Variants in DIP2C observed in about 807,000 individuals in gnomAD.
The protein encoded by DIP2C is DIP2 acetate--CoA ligase C (putative).
DIP2C carries 33 observed loss-of-function variants against 192.4 expected under a neutral mutation model. That is an observed-to-expected ratio of 0.17 (90% confidence interval 0.13 to 0.23). The LOEUF is 0.23. Ranked by LOEUF, DIP2C falls within the 10% of genes least tolerant of loss-of-function variation. The pLI, the probability that DIP2C is intolerant of heterozygous loss-of-function variation, is 1.00. For synonymous variants in DIP2C, 979 were observed against 864.1 expected (o/e 1.13, Z -2.33); for missense variants, 1,537 against 2,110.1 (o/e 0.73, Z 5.32).
chr10:444,733 A>G (rs1365608532), intron 3 of DIP2C, among the ~76,000 whole-genome samples: 1 of 152,240 alleles, frequency 6.6e-6, no homozygotes, highest in Non-Finnish European at 1.5e-5. Flanking sequence ...CCTGGAACTC[A>G]TCGCCGTTGC....
At chr10:323,448 T>A (rs1435885926) in intron 31 of DIP2C, among the ~76,000 whole-genome samples, 1 of 51,936 alleles carries the variant, frequency 1.9e-5, no homozygotes, top group Non-Finnish European at 6.4e-5. Context: ...GGTGCGGGGC[T>A]CCAGCGAGAG....
intron 29 of DIP2C, among the ~76,000 whole-genome samples, chr10:335,472 C>T (rs1019350776): frequency 6.6e-6 from 1 of 152,256 alleles, no homozygotes; most frequent in Non-Finnish European, 1.5e-5. Context: ...ACCCAGTTTG[C>T]ACAGGCACAC....
chr10:480,072 G>C (rs1379862860), intron 2 of DIP2C, among the ~76,000 whole-genome samples: 1 of 138,420 alleles, frequency 7.2e-6, no homozygotes, highest in African/African-American at 2.8e-5. Flanking sequence ...CTGGATGAGT[G>C]TCATCCGCCA....
chr10:486,027 C>T (rs1843989284), intron 2 of DIP2C, among the ~76,000 whole-genome samples: 1 of 152,244 alleles, frequency 6.6e-6, no homozygotes, highest in Non-Finnish European at 1.5e-5. Flanking sequence ...TCTCAACACA[C>T]AACCAGCTTT....
At chr10:510,530 C>T (rs1209726431) in intron 1 of DIP2C, among the ~76,000 whole-genome samples, 1 of 152,248 alleles carries the variant, frequency 6.6e-6, no homozygotes, top group Non-Finnish European at 1.5e-5. Context: ...GCTTTACAGC[C>T]GTGCCAGGCA....
rs576696116 is a variant in DIP2C at position 441,907 on chromosome 10, C to T, written c.269-911G>A. ...TAAGGCAGACAGTGTCACAGCATCT[C>T]ACGCAGGCCAATTCCTAATGGACAA... On this transcript the variant is annotated intron_variant, in intron 3 of 36. Transcript: ENST00000280886. Among the ~76,000 whole-genome samples, 3 of 150,462 alleles carry T rather than the reference C, an allele frequency of 2.0e-5. No individual in the cohort carries two copies. The South Asian group carries it at 6.3e-4, about 32-fold the overall frequency.
In DIP2C at chr10:582,153, C is replaced by G. The variant is rs190880639; in HGVS notation, c.86-95623G>C. On this transcript the variant is annotated intron_variant, in intron 1 of 36. Transcript: ENST00000280886. ...ATGCTCACTCACCGGCCACCCACCC[C>G]CTGCTACAAAAACCCGGTTCCTAAC... Among the ~76,000 whole-genome samples, 314 of 152,310 alleles carry G rather than the reference C, an allele frequency of 2.1e-3. 9 individuals carry two copies. Among genetic ancestry groups the G allele is most frequent in the Non-Finnish European group, 3.8e-4 (26 of 68,018 alleles).
intron 31 of DIP2C, among the ~76,000 whole-genome samples, chr10:320,605 G>C (rs145882458): frequency 7.9e-5 from 12 of 152,184 alleles, no homozygotes; most frequent in African/African-American, 2.9e-4. Context: ...GGACACTCAG[G>C]GAGGGAGATT....
chr10:512,515 T>A (rs1846081154), intron 1 of DIP2C, among the ~76,000 whole-genome samples: 1 of 151,860 alleles, frequency 6.6e-6, no homozygotes, highest in Non-Finnish European at 1.5e-5. Flanking sequence ...ACCCAGGAGG[T>A]GAAGGCTGCA....
intron 29 of DIP2C, among the ~76,000 whole-genome samples, chr10:338,440 C>G (rs1383186960): frequency 4.7e-5 from 7 of 147,370 alleles, no homozygotes; most frequent in Admixed American, 2.7e-4. Context: ...TTTTTTTTTT[C>G]CCACCTTCTA....
At chr10:390,713 C>A (rs370033595) in intron 11 of DIP2C, 27 bp downstream of exon 11, 3 of 1,604,684 alleles carry the variant, frequency 1.9e-6, no homozygotes, top group Admixed American at 1.7e-5. Flanking sequence ...CGTGGGCATG[C>A]GAGCTCTCGG....
chr10:398,399 C>A (rs927605467), intron 10 of DIP2C, among the ~76,000 whole-genome samples: 1 of 152,196 alleles, frequency 6.6e-6, no homozygotes, highest in Non-Finnish European at 1.5e-5. Flanking sequence ...CACCTGTGAC[C>A]TGGAAGGCCC....
intron 1 of DIP2C, among the ~76,000 whole-genome samples, chr10:598,323 C>T (rs1385665405): frequency 6.6e-6 from 1 of 152,240 alleles, no homozygotes; most frequent in Non-Finnish European, 1.5e-5. Context: ...GCTGCGATCA[C>T]ATTTCCCATC....
At chr10:435,894 G>C (rs1967140965) in intron 4 of DIP2C, among the ~76,000 whole-genome samples, 1 of 151,978 alleles carries the variant, frequency 6.6e-6, no homozygotes, top group African/African-American at 2.4e-5. Context: ...CAGACATCTA[G>C]ACTGGCACCT....
intron 28 of DIP2C, among the ~76,000 whole-genome samples, chr10:341,896 C>A (rs1400741355): frequency 2.0e-5 from 3 of 152,114 alleles, no homozygotes; most frequent in Non-Finnish European, 2.9e-5. Context: ...TTTTAGAGAA[C>A]AAAACCCAAA....
At chr10:507,326 T>C (rs544226404) in intron 1 of DIP2C, among the ~76,000 whole-genome samples, 1 of 141,832 alleles carries the variant, frequency 7.1e-6, no homozygotes, top group African/African-American at 2.7e-5. Context: ...AATCAGAAGC[T>C]TTCAAGGTTA....
intron 1 of DIP2C, among the ~76,000 whole-genome samples, chr10:556,878 G>A (rs12251693): frequency 1.1e-3 from 174 of 152,294 alleles, no homozygotes; most frequent in African/African-American, 4.0e-3. Context: ...TGAGTCCTTC[G>A]TAGCCCTGTC....
At chr10:280,988 C>A (rs928628860) in intron 36 of DIP2C, among the ~76,000 whole-genome samples, 1 of 152,164 alleles carries the variant, frequency 6.6e-6, no homozygotes, top group African/African-American at 2.4e-5. Context: ...AGAAGTCTAT[C>A]GTTTTCAGGT....
At chr10:596,960 C>T (rs1169686522) in intron 1 of DIP2C, among the ~76,000 whole-genome samples, 3 of 152,228 alleles carry the variant, frequency 2.0e-5, no homozygotes, top group Non-Finnish European at 2.9e-5. Flanking sequence ...TTTTGTGTAT[C>T]GACCTGAGTG....
Sources: allele counts gnomAD v4.1 joint callset (sites outside exome capture counted in the v4.1 genomes callset), GRCh38; gene constraint gnomAD v4.1.1; transcripts MANE v1.5; gene names NCBI Gene and HGNC (gene_info 2026-07-23, HGNC 2026-07-21).